METTL15: variants seen among roughly 807,000 people sequenced by gnomAD.
METTL15 encodes 12S rRNA N(4)-cytidine methyltransferase METTL15.
METTL15 carries 34 observed loss-of-function variants against 38.3 expected under a neutral mutation model. The observed-to-expected ratio is 0.89, with a 90% CI of 0.68 to 1.18. The LOEUF (loss-of-function observed/expected upper bound fraction) is 1.18. Among genes scored for constraint, METTL15 ranks in the 50% most tolerant of loss-of-function variants. The pLI is 0.00. For missense variants in METTL15, 438 were observed against 498.4 expected, an observed-to-expected ratio of 0.88 and a Z score of 1.15; for synonymous variants, 162 against 170.9, an observed-to-expected ratio of 0.95 and a Z score of 0.41.
At chr11:28,394,685 C>T (rs540738899) in intron 5 of METTL15, among the ~76,000 whole-genome samples, 3 of 152,094 alleles carry the variant, frequency 2.0e-5, no homozygotes, top group Non-Finnish European at 4.4e-5. Flanking sequence ...CATAAAGATA[C>T]TAATGATTCT....
At chr11:28,419,196 A>C (rs1186510932) in intron 5 of METTL15, among the ~76,000 whole-genome samples, 1 of 152,228 alleles carries the variant, frequency 6.6e-6, no homozygotes, top group Non-Finnish European at 1.5e-5. Context: ...ACCCAGTGCT[A>C]TGCCAGTTTC....
chr11:28,152,029 T>C (rs892371173), intron 3 of METTL15, among the ~76,000 whole-genome samples: 2 of 150,192 alleles, frequency 1.3e-5, no homozygotes, highest in African/African-American at 5.0e-5. Context: ...TTATTTATAC[T>C]ATATAACACT....
chr11:28,117,497 T>C (rs980446042), intron 3 of METTL15, among the ~76,000 whole-genome samples: 1 of 152,052 alleles, frequency 6.6e-6, no homozygotes, highest in African/African-American at 2.4e-5. Context: ...AAATCAGTAT[T>C]GTATCCAACT....
chr11:28,202,631 C>T (rs922313835), intron 3 of METTL15, among the ~76,000 whole-genome samples: 29 of 151,956 alleles, frequency 1.9e-4, no homozygotes, highest in African/African-American at 7.0e-4. Context: ...CTATATAGTT[C>T]AGCATGTGCT....
intron 5 of METTL15, among the ~76,000 whole-genome samples, chr11:28,372,909 G>T: frequency 6.7e-6 from 1 of 149,604 alleles, no homozygotes. Flanking sequence ...TGAGAATGAT[G>T]ATTTCCAATT....
intron 5 of METTL15, chr11:28,410,538 G>A (rs142434333): frequency 1.2e-4 from 18 of 152,122 alleles, no homozygotes; most frequent in African/African-American, 4.3e-4. Context: ...CATCTCAATT[G>A]ACTCAAAAAA....
chr11:28,233,242 T>A (rs968841144), intron 4 of METTL15, among the ~76,000 whole-genome samples: 1 of 152,084 alleles, frequency 6.6e-6, no homozygotes, highest in African/African-American at 2.4e-5. Context: ...AATATACTGC[T>A]TAATAACATA....
intron 3 of METTL15, among the ~76,000 whole-genome samples, chr11:28,351,395 C>A (rs1339534238): frequency 1.3e-5 from 2 of 152,142 alleles, no homozygotes; most frequent in Non-Finnish European, 2.9e-5. Flanking sequence ...GGATTATAGG[C>A]GTGAGCCACT....
At chr11:28,364,918 G>T (rs1013149072) in intron 5 of METTL15, among the ~76,000 whole-genome samples, 1 of 152,102 alleles carries the variant, frequency 6.6e-6, no homozygotes, top group Non-Finnish European at 1.5e-5. Context: ...GACTTTTTCT[G>T]TGTCTATTTA....
At chr11:28,410,375 A>G (rs1343952482) in intron 5 of METTL15, among the ~76,000 whole-genome samples, 2 of 152,156 alleles carry the variant, frequency 1.3e-5, no homozygotes, top group Non-Finnish European at 2.9e-5. Flanking sequence ...AATCCTGAAT[A>G]AAATAGTAGC....
chr11:28,374,920 T>C (rs2133378649), intron 5 of METTL15, among the ~76,000 whole-genome samples: 1 of 152,064 alleles, frequency 6.6e-6, no homozygotes, highest in Non-Finnish European at 1.5e-5. Context: ...TCTATTGAGA[T>C]AATCATGTGG....
At chr11:28,352,736 G>A (rs1238844741) in intron 4 of METTL15, among the ~76,000 whole-genome samples, 1 of 152,020 alleles carries the variant, frequency 6.6e-6, no homozygotes, top group Non-Finnish European at 1.5e-5. Flanking sequence ...AAGGGTCATG[G>A]ATGTATTGAG....
At chr11:28,192,431 C>CTT (rs545100111) in intron 3 of METTL15, among the ~76,000 whole-genome samples, 1 of 136,942 alleles carries the variant, frequency 7.3e-6, no homozygotes. Context: ...TTTGATTTGC[C>CTT]TTTTTTTTTT....
chr11:28,427,238 G>C (rs1850873762), intron 6 of METTL15, among the ~76,000 whole-genome samples: 1 of 152,084 alleles, frequency 6.6e-6, no homozygotes, highest in African/African-American at 2.4e-5. Flanking sequence ...AAGATCAGAT[G>C]GTTGTAGGTC....
chr11:28,198,070 G>A (rs181669497), intron 3 of METTL15, among the ~76,000 whole-genome samples: 48 of 152,150 alleles, frequency 3.2e-4, no homozygotes, highest in Admixed American at 3.1e-3. Flanking sequence ...AGCATTCTTA[G>A]TAGTTAGTAT....
At chr11:28,487,965 C>A (rs904482704) in intron 6 of METTL15, among the ~76,000 whole-genome samples, 2 of 152,106 alleles carry the variant, frequency 1.3e-5, no homozygotes, top group African/African-American at 2.4e-5. Flanking sequence ...TCTTTGGGTA[C>A]AATAGAGAAT....
chr11:28,146,780 TA>T (rs1849902318), intron 3 of METTL15, among the ~76,000 whole-genome samples: 1 of 151,948 alleles, frequency 6.6e-6, no homozygotes, highest in Non-Finnish European at 1.5e-5. Flanking sequence ...TGTTACGTTT[TA>T]CTTAATAAAA....
chr11:28,207,399 G>C (rs1852397417), intron 3 of METTL15, among the ~76,000 whole-genome samples: 1 of 152,002 alleles, frequency 6.6e-6, no homozygotes, highest in Non-Finnish European at 1.5e-5. Flanking sequence ...CTGTTTATAT[G>C]CTGGATTACA....
At chr11:28,415,684 A>G (rs1850766711) in intron 5 of METTL15, among the ~76,000 whole-genome samples, 2 of 152,188 alleles carry the variant, frequency 1.3e-5, no homozygotes, top group African/African-American at 2.4e-5. Context: ...GCTATAGTTG[A>G]TACTGGAAGA....
Sources: allele counts gnomAD v4.1 joint callset (sites outside exome capture counted in the v4.1 genomes callset), GRCh38; gene constraint gnomAD v4.1.1; transcripts MANE v1.5; gene names NCBI Gene and HGNC (gene_info 2026-07-23, HGNC 2026-07-21).